Variants in ACACB observed in about 807,000 individuals in gnomAD.
ACACB encodes acetyl-CoA carboxylase 2.
A neutral mutation model predicts 278.8 loss-of-function variants in ACACB; 209 were observed. That is an observed-to-expected ratio of 0.75 (90% CI 0.67 to 0.84). ACACB has a LOEUF of 0.84. Among genes scored for constraint, ACACB ranks in the 40% least tolerant of loss-of-function variants. The pLI is 0.00. For missense variants in ACACB, 2,850 were observed against 3,269.0 expected, an observed-to-expected ratio of 0.87 and a Z score of 3.13; for synonymous variants, 1,174 against 1,285.6, an observed-to-expected ratio of 0.91 and a Z score of 1.86.
At chr12:109,111,590 CTG>C (rs1342752323), upstream of ACACB, 2 of 147,764 alleles carry the variant, frequency 1.4e-5, no homozygotes, top group African/African-American at 2.5e-5. Flanking sequence ...GAGTCTCACT[CTG>C]TCGCTCAGGC....
rs1192116234 is a variant in ACACB, at chr12:109,140,271, TTTCCTTCCTTCCTTCC to T, written c.653+278_653+293del. Among the ~76,000 whole-genome samples the T allele has an allele frequency of 9.0e-3, 365 of 40,472 alleles. 5 individuals carry two copies. Among genetic ancestry groups the T allele is most frequent in the African/African-American group, 0.017 (233 of 13,814 alleles). The allele number at this position is 40,472 out of a possible 152,430, so 26.6% of individuals were successfully genotyped here. ...CCTTCCTTCCATCCTTCCTTCCTTC[TTTCCTTCCTTCCTTCC>T]TTCCTTCCTTCCTTCCTTCCTTCCT... On this transcript the variant is annotated intron_variant, in intron 2 of 52. Coordinates refer to ENST00000338432, the MANE Select transcript of ACACB (RefSeq NM_001093.4).
At chr12:109,253,637 G>A (rs2047152558) in intron 43 of ACACB, among the ~76,000 whole-genome samples, 1 of 152,134 alleles carries the variant, frequency 6.6e-6, no homozygotes, top group South Asian at 2.1e-4. Context: ...CACAACGTTT[G>A]GTAGGTCCTC....
In ACACB at chr12:109,118,604, G is replaced by A. The variant is rs552155095; in HGVS notation, c.-10+1900G>A. On this transcript the variant is annotated intron_variant, in intron 1 of 52. Coordinates refer to ENST00000338432, the MANE Select transcript of ACACB (RefSeq NM_001093.4). ...AATTTTTGTATTTTTAGTAGAGATGGGGTTTTGCCATGTTGGCCAGGCTGG... is the reference window on the plus strand; with the variant it reads ...AATTTTTGTATTTTTAGTAGAGATGAGGTTTTGCCATGTTGGCCAGGCTGG... 1.9e-4 allele frequency among the ~76,000 whole-genome samples: 29 copies of A among 152,046 alleles called. No individual in the cohort carries two copies. The South Asian group carries it at 2.5e-3, about 13-fold the overall frequency.
In ACACB at chr12:109,264,246, T is replaced by TC; in HGVS notation, c.6804dup (p.Asp2269ArgfsTer34). 1 of 1,613,854 alleles carries TC rather than the reference T, an allele frequency of 6.2e-7. No homozygotes were observed. Among genetic ancestry groups the TC allele is most frequent in the Non-Finnish European group, 8.5e-7 (1 of 1,180,012 alleles). ...CTCACCTGCAGGGGAACCTGATCTC[T>TC]CCGACAAGGACCGAAAGGACCTGGA... On this transcript the variant is annotated frameshift_variant, in exon 50 of 53. Transcript: ENST00000338432. LOFTEE classifies it high-confidence loss of function.
intron 2 of ACACB, among the ~76,000 whole-genome samples, chr12:109,161,399 C>T (rs537922228): frequency 3.3e-5 from 5 of 152,072 alleles, no homozygotes; most frequent in Non-Finnish European, 5.9e-5. Flanking sequence ...AAAATTTAGC[C>T]GGACATGGTG....
chr12:109,193,648 G>C lies in ACACB; in HGVS notation c.2400G>C (p.Arg800Ser). 1 of 1,613,052 alleles carries C rather than the reference G, an allele frequency of 6.2e-7. No individual in the cohort carries two copies. Among genetic ancestry groups the C allele is most frequent in the South Asian group, 1.1e-5 (1 of 91,052 alleles). The change falls in exon 16 of 53, where the codon AGG (arginine) becomes AGC (serine). Residue 800 changes from arginine to serine, a missense_variant and splice_region_variant. By Grantham distance (110) the Arg-to-Ser change is moderately radical. Transcript: ENST00000338432. ...CMTDFLHSLE[R>S]GQVLPADSLL... ...ACCACAACCCTGTCTTTTCTTTCAGGGGCCAGGTCCTCCCAGCGGATTCAC... is the reference window on the plus strand; with the variant it reads ...ACCACAACCCTGTCTTTTCTTTCAGCGGCCAGGTCCTCCCAGCGGATTCAC...
At chr12:109,138,784 C>T (rs767384883) in intron 1 of ACACB, among the ~76,000 whole-genome samples, 7 of 152,024 alleles carry the variant, frequency 4.6e-5, no homozygotes, top group African/African-American at 7.3e-5. Flanking sequence ...ACCCAGGAGG[C>T]GGAGTTTGCA....
intron 11 of ACACB, 69 bp from the exon 12 acceptor site, chr12:109,185,510 T>G: frequency 1.3e-6 from 2 of 1,559,444 alleles, no homozygotes; most frequent in Non-Finnish European, 1.8e-6. Context: ...CATCTACCAC[T>G]GTGCCTGGTG....
intron 2 of ACACB, among the ~76,000 whole-genome samples, chr12:109,159,980 C>T (rs1017497186): frequency 1.3e-5 from 2 of 151,664 alleles, no homozygotes; most frequent in Non-Finnish European, 2.9e-5. Context: ...GTCCCAGCTA[C>T]TCGGGAGGCT....
chr12:109,155,944 G>A (rs1222918131), intron 2 of ACACB, among the ~76,000 whole-genome samples: 1 of 152,232 alleles, frequency 6.6e-6, no homozygotes, highest in Non-Finnish European at 1.5e-5. Flanking sequence ...GTGGGACAGA[G>A]ACTGACCAGA....
chr12:109,119,645 C>G (rs1047082685), intron 1 of ACACB, among the ~76,000 whole-genome samples: 1 of 151,790 alleles, frequency 6.6e-6, no homozygotes, highest in Admixed American at 6.6e-5. Flanking sequence ...GCCTATAATC[C>G]CAGCACTTTG....
At chr12:109,165,663 TTCATATGTGAATAATGATCACAAACA>T (rs1159052546) in intron 2 of ACACB, among the ~76,000 whole-genome samples, 5 of 152,224 alleles carry the variant, frequency 3.3e-5, no homozygotes, top group African/African-American at 1.2e-4. Context: ...GATCACAAAC[TTCATATGTGAATAATGATCACAAACA>T]AGTAAAACAT....
Position 109,156,387 on chromosome 12 carries a change from G to A in ACACB, c.654-10474G>A, listed in dbSNP as rs114552021. On this transcript the variant is annotated intron_variant, in intron 2 of 52. Coordinates refer to ENST00000338432, the MANE Select transcript of ACACB (RefSeq NM_001093.4). ...CTCTACTTAAAAAAAAATTAGCTGA[G>A]GATGGTGATGCATGCCTGGAGTTTC... Among the ~76,000 whole-genome samples, 472 of 152,178 alleles carry A rather than the reference G, an allele frequency of 3.1e-3. 6 individuals carry two copies. Among genetic ancestry groups the A allele is most frequent in the African/African-American group, 0.011 (458 of 41,526 alleles).
chr12:109,185,805 T>G, intron 12 of ACACB, 65 bp downstream of exon 12: 3 of 1,503,736 alleles, frequency 2.0e-6, no homozygotes, highest in Non-Finnish European at 2.7e-6. Flanking sequence ...GGACCCTGGA[T>G]GTTAGCCTGG....
At position 109,151,651 on chromosome 12, in the gene ACACB, A is replaced by G. The variant is rs966472238; in HGVS notation, c.653+11593A>G. On this transcript the variant is annotated intron_variant, in intron 2 of 52. Transcript: ENST00000338432. ...GTCTTTCTACCACGCTGCTGGCCAC[A>G]TGCATGCGGATTTTCTTGTTGATTT... Among the ~76,000 whole-genome samples the G allele has an allele frequency of 4.6e-5, 7 of 152,248 alleles. No individual in the cohort carries two copies. In the South Asian group the frequency reaches 8.3e-4, roughly 18 times the overall value.
At chr12:109,264,470 GAGGGC>G in intron 50 of ACACB, 84 bp downstream of exon 50, 3 of 1,467,234 alleles carry the variant, frequency 2.0e-6, no homozygotes, top group Non-Finnish European at 2.8e-6. Flanking sequence ...CGGGGGCGGG[GAGGGC>G]GGTGGTGGTT....
Position 109,180,913 on chromosome 12 carries a change from C to T in ACACB, c.1818+826C>T, listed in dbSNP as rs560657386. ...TGTTGTACTATATCAAATAGCAGGC[C>T]GTATTCATTCTCTTAATCACTACAT... On this transcript the variant is annotated intron_variant, in intron 11 of 52. Coordinates refer to ENST00000338432, the MANE Select transcript of ACACB (RefSeq NM_001093.4). 3.9e-5 allele frequency among the ~76,000 whole-genome samples: 6 copies of T among 152,208 alleles called. No individual in the cohort carries two copies. The South Asian group carries it at 8.3e-4, about 21-fold the overall frequency.
chr12:109,228,964 A>C (rs904730199), intron 28 of ACACB, among the ~76,000 whole-genome samples: 12 of 151,726 alleles, frequency 7.9e-5, no homozygotes, highest in African/African-American at 2.7e-4. Context: ...TCTTTTATTT[A>C]TTTATTTTTT....
At chr12:109,260,338 C>T (rs1362287339) in intron 47 of ACACB, 142 bp from the exon 48 acceptor site, 9 of 1,159,162 alleles carry the variant, frequency 7.8e-6, no homozygotes, top group Non-Finnish European at 8.8e-6. Flanking sequence ...AGAGAGTGAT[C>T]AGTACTCTCA....
Sources: gnomAD v4.1 joint callset for allele counts (sites outside exome capture counted in the v4.1 genomes callset) on GRCh38, gnomAD v4.1.1 for gene constraint, MANE v1.5 for transcripts, NCBI Gene and HGNC (gene_info 2026-07-23, HGNC 2026-07-21) for gene names.